DPYSL5: variants seen among roughly 807,000 people sequenced by gnomAD.
DPYSL5 encodes dihydropyrimidinase-related protein 5.
DPYSL5 carries 9 observed loss-of-function variants against 58.4 expected under a neutral mutation model. The observed-to-expected ratio is 0.15, with a 90% CI of 0.09 to 0.27. DPYSL5 has a LOEUF of 0.27. Among genes scored for constraint, DPYSL5 ranks in the 10% least tolerant of loss-of-function variants. The pLI is 1.00. For synonymous variants in DPYSL5, 293 were observed against 301.9 expected (o/e 0.97, Z 0.31); for missense variants, 499 against 770.6 (o/e 0.65, Z 4.17).
At position 26,944,949 on chromosome 2, in the gene DPYSL5, T is replaced by C; in HGVS notation, c.1609+125T>C. ...CCCTCCCGTTGCCTATTTCCAGGGA[T>C]GAGTGCTGGTTTGGATATTAGACTC... On this transcript the variant is annotated intron_variant, in intron 12 of 12. Transcript: ENST00000288699. The surrounding 1 kb of genome is among the most constrained non-coding windows in gnomAD (Gnocchi z 4.4). The C allele has an allele frequency of 2.1e-6, 2 of 936,318 alleles. No individual in the cohort carries two copies. The highest frequency in any genetic ancestry group is 5.1e-5 in the East Asian group (2 of 38,890). 58.0% of individuals were successfully genotyped at this position (936,318 alleles called of 1,614,324 possible). A position where few individuals can be genotyped will look rare whatever the true frequency, so the allele number is the denominator to read the frequency against.
intron 1 of DPYSL5, among the ~76,000 whole-genome samples, chr2:26,880,601 C>T (rs1240256428): frequency 6.6e-6 from 1 of 152,240 alleles, no homozygotes; most frequent in Non-Finnish European, 1.5e-5. Context: ...GTCTGCCATT[C>T]TCAGCCCACC....
intron 9 of DPYSL5, 69 bp downstream of exon 9, chr2:26,940,241 C>T: frequency 6.4e-7 from 1 of 1,562,250 alleles, no homozygotes; most frequent in South Asian, 1.2e-5. Context: ...CGTTCTAATC[C>T]CAATAAGAGT....
At chr2:26,894,106 C>A (rs1435053739) in intron 1 of DPYSL5, among the ~76,000 whole-genome samples, 1 of 149,538 alleles carries the variant, frequency 6.7e-6, no homozygotes, top group Non-Finnish European at 1.5e-5. Context: ...AATATAAATC[C>A]TTATTATTAT....
intron 2 of DPYSL5, among the ~76,000 whole-genome samples, chr2:26,908,446 C>T (rs570660125): frequency 1.3e-5 from 2 of 152,328 alleles, no homozygotes; most frequent in South Asian, 4.1e-4. Context: ...ACTTGCTTAA[C>T]AAAACCTTGC....
intron 1 of DPYSL5, among the ~76,000 whole-genome samples, chr2:26,862,074 TC>T (rs34902032): frequency 0.32 from 47,884 of 151,976 alleles, 8,712 homozygotes; most frequent in Admixed American, 0.44. Flanking sequence ...AAATAAGTTC[TC>T]CCCCAGGCAG....
intron 2 of DPYSL5, among the ~76,000 whole-genome samples, chr2:26,923,922 A>C (rs989420332): frequency 6.6e-6 from 1 of 152,182 alleles, no homozygotes; most frequent in East Asian, 1.9e-4. Flanking sequence ...AGCCTCCCAA[A>C]GTACTAGGAT....
chr2:26,873,500 A>G (rs1304521380), intron 1 of DPYSL5, among the ~76,000 whole-genome samples: 1 of 152,196 alleles, frequency 6.6e-6, no homozygotes, highest in Admixed American at 6.5e-5. Context: ...GGGAGAGGCC[A>G]GGAATGCTGT....
chr2:26,888,190 C>T (rs1369878083), intron 1 of DPYSL5, among the ~76,000 whole-genome samples: 2 of 145,648 alleles, frequency 1.4e-5, no homozygotes, highest in Admixed American at 1.4e-4. Flanking sequence ...CTTTCTTTTT[C>T]CTTCCTTCCT....
chr2:26,920,392 G>A (rs560363810), intron 2 of DPYSL5, among the ~76,000 whole-genome samples: 44 of 152,250 alleles, frequency 2.9e-4, no homozygotes, highest in African/African-American at 9.9e-4. Context: ...ATTCTGAAGT[G>A]TACATTATAA....
At position 26,924,772 on chromosome 2, in the gene DPYSL5, G is replaced by A. The variant is rs1330856364; in HGVS notation, c.262-115G>A. On this transcript the variant is annotated intron_variant, in intron 2 of 12. Coordinates refer to ENST00000288699, the MANE Select transcript of DPYSL5 (RefSeq NM_020134.4). This position sits in a 1 kb window ranked among gnomAD's most constrained non-coding sequence, Gnocchi z 4.7. ...AACCTCGCTGCCCTTGGTCCTCACA[G>A]CCTCTTGTGAGGCAGGGCCTGTCTT... 8 of 1,401,950 alleles carry A rather than the reference G, an allele frequency of 5.7e-6. No individual in the cohort carries two copies. The highest frequency in any genetic ancestry group is 2.2e-4 in the Middle Eastern group (1 of 4,616). 86.8% of individuals were successfully genotyped at this position (1,401,950 alleles called of 1,614,324 possible).
rs1664074670 is a variant in DPYSL5 at position 26,898,578 on chromosome 2, G to A, written c.79G>A (p.Asp27Asn). 1 of 1,614,076 alleles carries A rather than the reference G, an allele frequency of 6.2e-7. No individual in the cohort carries two copies. The highest frequency in any genetic ancestry group is 1.3e-5 in the African/African-American group (1 of 74,920). The change falls in exon 2 of 13, where the codon GAC (aspartate) becomes AAC (asparagine). Residue 27 changes from aspartate (D) to asparagine (N), a missense_variant. Asp to Asn is a conservative substitution (Grantham distance 23, BLOSUM62 1). Transcript: ENST00000288699. The surrounding 1 kb of genome is among the most constrained non-coding windows in gnomAD (Gnocchi z 6.1). ...VVNDDCTHEADVYIENGIIQQ... is the reference protein window; with the variant it reads ...VVNDDCTHEANVYIENGIIQQ... ...GAACGATGACTGCACCCACGAGGCT[G>A]ACGTCTACATCGAGAATGGCATCAT...
At position 26,928,687 on chromosome 2, in the gene DPYSL5, G is replaced by GTGTATATATATATATATATATA. The variant is rs143828804; in HGVS notation, c.669+365_669+366insGTATATATATATATATATATAT. Among the ~76,000 whole-genome samples the GTGTATATATATATATATATATA allele has an allele frequency of 1.8e-3, 111 of 60,656 alleles. 18 individuals carry two copies. The highest frequency in any genetic ancestry group is 2.7e-3 in the Non-Finnish European group (78 of 28,384). 39.8% of individuals were successfully genotyped at this position (60,656 alleles called of 152,430 possible). ...ACTGCAATCCAGCCAAGGTGATAGA[G>GTGTATATATATATATATATATA]TATATATATATATATATACACACAC... is the stretch of plus-strand genomic sequence containing the variant. On this transcript the variant is annotated intron_variant, in intron 5 of 12. Coordinates refer to ENST00000288699, the MANE Select transcript of DPYSL5 (RefSeq NM_020134.4).
chr2:26,913,784 C>G (rs547397946), intron 2 of DPYSL5, among the ~76,000 whole-genome samples: 1 of 152,220 alleles, frequency 6.6e-6, no homozygotes, highest in East Asian at 1.9e-4. Flanking sequence ...GCTTCTGTAT[C>G]CCTGGGACTC....
intron 9 of DPYSL5, among the ~76,000 whole-genome samples, chr2:26,941,159 C>T (rs958446302): frequency 1.9e-4 from 29 of 151,966 alleles, no homozygotes; most frequent in South Asian, 6.2e-4. Flanking sequence ...CAGATGGTCT[C>T]GATCTCTTGA....
At chr2:26,886,582 T>C (rs1275987508) in intron 1 of DPYSL5, among the ~76,000 whole-genome samples, 1 of 152,258 alleles carries the variant, frequency 6.6e-6, no homozygotes, top group Non-Finnish European at 1.5e-5. Context: ...GAATTAATCA[T>C]AAAATTATTC....
chr2:26,944,377 CA>C lies in DPYSL5; in HGVS notation c.1441-278del, dbSNP rs993875028. Among the ~76,000 whole-genome samples the C allele has an allele frequency of 2.0e-5, 3 of 152,178 alleles. No homozygotes were observed. The highest frequency in any genetic ancestry group is 7.2e-5 in the African/African-American group (3 of 41,452). On this transcript the variant is annotated intron_variant, in intron 11 of 12. Coordinates refer to ENST00000288699, the MANE Select transcript of DPYSL5 (RefSeq NM_020134.4). This position sits in a 1 kb window ranked among gnomAD's most constrained non-coding sequence, Gnocchi z 4.4. ...GCTTCCATCAGTGTTGAGGGGGAGC[CA>C]GTATCTCTCCCATACACATGCATGC...
chr2:26,850,713 TGAAG>T (rs1665729533), intron 1 of DPYSL5, among the ~76,000 whole-genome samples: 1 of 152,158 alleles, frequency 6.6e-6, no homozygotes, highest in African/African-American at 2.4e-5. Context: ...GTGTGTAAGG[TGAAG>T]GACTGTGCTG....
In DPYSL5 at chr2:26,898,496, G is replaced by A; in HGVS notation, c.-4G>A. The stretch of plus-strand genomic sequence containing the variant: ...CTTGACCATGCTCACCTTCTTGTAG[G>A]AACATGCTTGCCAACTCAGCCAGCG... On this transcript the variant is annotated splice_region_variant and 5_prime_UTR_variant, in exon 2 of 13. Transcript: ENST00000288699. The surrounding 1 kb of genome is among the most constrained non-coding windows in gnomAD (Gnocchi z 6.1). 1.9e-6 allele frequency: 3 copies of A among 1,613,444 alleles called. No individual in the cohort carries two copies. The South Asian group carries it at 3.3e-5, about 18-fold the overall frequency.
At chr2:26,931,197 GTGTGTGTATA>G (rs1393690454) in intron 5 of DPYSL5, among the ~76,000 whole-genome samples, 52 of 52,504 alleles carry the variant, frequency 9.9e-4, no homozygotes, top group African/African-American at 2.8e-3. Flanking sequence ...GTGTGTGTGT[GTGTGTGTATA>G]TATATATATA....
Sources: gnomAD v4.1 joint callset for allele counts (sites outside exome capture counted in the v4.1 genomes callset) on GRCh38, gnomAD v4.1.1 for gene constraint, Gnocchi (gnomAD v3.1) non-coding constraint, MANE v1.5 for transcripts, NCBI Gene and HGNC (gene_info 2026-07-23, HGNC 2026-07-21) for gene names.